Variants in LHX8 observed in about 807,000 individuals in gnomAD.
LHX8 encodes LIM/homeobox protein Lhx8.
A neutral mutation model predicts 40.3 loss-of-function variants in LHX8; 12 were observed. The observed-to-expected ratio is 0.30, with a 90% CI of 0.19 to 0.48. LHX8 has a LOEUF of 0.48. Ranked by LOEUF, LHX8 falls within the 20% of genes least tolerant of loss-of-function variation. LHX8 has a pLI of 0.99. For missense variants in LHX8, 344 were observed against 433.7 expected (o/e 0.79, Z 1.84); for synonymous variants, 179 against 162.0 (o/e 1.10, Z -0.80).
chr1:75,173,426 C>T, the LHX8 span, among the ~76,000 whole-genome samples: 781 of 142,772 alleles, frequency 5.5e-3, 8 homozygotes, highest in African/African-American at 0.02. Flanking sequence ...TTCTGTCGCC[C>T]AGGCTGGAGT....
At chr1:75,167,523 C>T in the LHX8 span, among the ~76,000 whole-genome samples, 2 of 152,158 alleles carry the variant, frequency 1.3e-5, no homozygotes, top group African/African-American at 2.4e-5. Context: ...CAGGACCAAG[C>T]TCAAATATCA....
chr1:75,181,360 G>C, the LHX8 span, among the ~76,000 whole-genome samples: 1 of 152,174 alleles, frequency 6.6e-6, no homozygotes, highest in Non-Finnish European at 1.5e-5. Context: ...GCTGCAGTGG[G>C]CTCCACCCAG....
intron 7 of LHX8, among the ~76,000 whole-genome samples, chr1:75,150,115 G>A (rs539526662): frequency 8.5e-4 from 129 of 152,134 alleles, no homozygotes; most frequent in Non-Finnish European, 1.5e-3. Context: ...GTGTGTACCT[G>A]CAGTCCCAGC....
chr1:75,189,060 T>G, the LHX8 span, among the ~76,000 whole-genome samples: 36 of 152,258 alleles, frequency 2.4e-4, no homozygotes, highest in East Asian at 7.0e-3. Flanking sequence ...TAGAAAACCC[T>G]CCCACAAAAT....
chr1:75,148,625 T>C lies in LHX8; in HGVS notation c.723T>C (p.Asp241=). 3.7e-6 allele frequency: 6 copies of C among 1,613,650 alleles called. No individual in the cohort carries two copies. The highest frequency in any genetic ancestry group is 4.2e-6 in the Non-Finnish European group (5 of 1,179,912). The change falls in exon 7 of 9, where the codon GAT becomes GAC. Residue 241 remains aspartate (D), a synonymous_variant. Coordinates refer to ENST00000356261, the MANE Select transcript of LHX8 (RefSeq NM_001256114.2). ...AATTTGCTCAGGACAACAACCCAGATGCACAGACACTCCAGAAATTGGCAG... is the reference window on the plus strand; with the variant it reads ...AATTTGCTCAGGACAACAACCCAGACGCACAGACACTCCAGAAATTGGCAG... ...QAQFAQDNNP[D]AQTLQKLAER...
the LHX8 span, among the ~76,000 whole-genome samples, chr1:75,176,023 A>G: frequency 2.0e-5 from 3 of 152,214 alleles, no homozygotes; most frequent in African/African-American, 7.2e-5. Flanking sequence ...GTGGCTGCAT[A>G]GTATTCCATG....
intron 5 of LHX8, 40 bp from the exon 6 acceptor site, chr1:75,143,804 AT>A (rs2100341607): frequency 1.4e-6 from 2 of 1,453,572 alleles, no homozygotes; most frequent in East Asian, 2.3e-5. Flanking sequence ...GGGTGTACCC[AT>A]TTGAATTACC....
chr1:75,165,400 A>C (rs1649011479), downstream of LHX8, among the ~76,000 whole-genome samples: 1 of 152,144 alleles, frequency 6.6e-6, no homozygotes, highest in African/African-American at 2.4e-5. Flanking sequence ...CAGTTCCTTG[A>C]GTTTCATAAG....
At chr1:75,137,683 C>T (rs1648193166) in intron 3 of LHX8, among the ~76,000 whole-genome samples, 1 of 152,220 alleles carries the variant, frequency 6.6e-6, no homozygotes, top group Admixed American at 6.5e-5. Context: ...ACCCCAGTGA[C>T]GCCCACGCCC....
intron 5 of LHX8, among the ~76,000 whole-genome samples, 188 bp from the exon 6 acceptor site, chr1:75,143,657 A>G (rs910605803): frequency 5.9e-5 from 9 of 152,178 alleles, no homozygotes; most frequent in Non-Finnish European, 1.0e-4. Flanking sequence ...TTCACTAAAT[A>G]TACAAGTCTG....
At position 75,154,393 on chromosome 1, in the gene LHX8, T is replaced by C. The variant is rs544305617; in HGVS notation, c.781-2500T>C. 1.2e-4 allele frequency among the ~76,000 whole-genome samples: 8 copies of C among 69,234 alleles called. No individual in the cohort carries two copies. In the East Asian group the frequency reaches 1.5e-3, roughly 13 times the overall value. 45.4% of individuals were successfully genotyped at this position (69,234 alleles called of 152,430 possible). A position where few individuals can be genotyped will look rare whatever the true frequency, so the allele number is the denominator to read the frequency against. On this transcript the variant is annotated intron_variant, in intron 7 of 8. Coordinates refer to ENST00000356261, the MANE Select transcript of LHX8 (RefSeq NM_001256114.2). The stretch of plus-strand genomic sequence containing the variant: ...ATGTTTATTTACAAAGTTTGAGTGT[T>C]TTTTTTTTTCAATCAAAAGATGGTG...
chr1:75,151,841 G>C (rs1403232926), intron 7 of LHX8, among the ~76,000 whole-genome samples: 1 of 152,202 alleles, frequency 6.6e-6, no homozygotes, highest in Non-Finnish European at 1.5e-5. Flanking sequence ...AAGGACTAAG[G>C]AACACAGGCA....
chr1:75,195,704 T>C, the LHX8 span, among the ~76,000 whole-genome samples: 1 of 152,094 alleles, frequency 6.6e-6, no homozygotes, highest in African/African-American at 2.4e-5. Flanking sequence ...CCCATCCCAA[T>C]GGTGCACAAA....
chr1:75,143,846 G>T lies in LHX8; in HGVS notation c.582G>T (p.Gly194=), dbSNP rs376728766. 4.3e-6 allele frequency: 7 copies of T among 1,611,098 alleles called. No homozygotes were observed. Among genetic ancestry groups the T allele is most frequent in the Middle Eastern group, 3.3e-4 (2 of 6,076 alleles). The change falls in exon 6 of 9, where the codon GGG becomes GGT. Residue 194 remains glycine (G), a splice_region_variant and synonymous_variant. Coordinates refer to ENST00000356261, the MANE Select transcript of LHX8 (RefSeq NM_001256114.2). ...ATATAGTGTGTTTTTTAAATGCAGG[G>T]AATGGGATTAGTGTGGAAGGTGCCC... ...LDNLKREVEN[G]NGISVEGALL...
At chr1:75,195,471 CT>C in the LHX8 span, among the ~76,000 whole-genome samples, 4 of 152,124 alleles carry the variant, frequency 2.6e-5, no homozygotes, top group African/African-American at 9.7e-5. Context: ...GGGTTACTGA[CT>C]TTTTTTCTAT....
At chr1:75,134,028 C>T (rs1374026506), upstream of LHX8, among the ~76,000 whole-genome samples, 2 of 152,010 alleles carry the variant, frequency 1.3e-5, no homozygotes, top group African/African-American at 4.8e-5. Flanking sequence ...TTCAAGTCAC[C>T]CAGACCTCCA....
chr1:75,154,066 CA>C (rs2100356382), intron 7 of LHX8, among the ~76,000 whole-genome samples: 1 of 152,198 alleles, frequency 6.6e-6, no homozygotes, highest in African/African-American at 2.4e-5. Context: ...ATTTAGAAGT[CA>C]AAAAATTTAA....
the LHX8 span, among the ~76,000 whole-genome samples, chr1:75,174,971 C>G: frequency 6.6e-6 from 1 of 152,170 alleles, no homozygotes; most frequent in African/African-American, 2.4e-5. Context: ...CCCTCCTACC[C>G]TTCCCTGGAG....
intron 1 of LHX8, 71 bp from the exon 2 acceptor site, chr1:75,136,532 G>A: frequency 1.7e-6 from 2 of 1,155,052 alleles, no homozygotes; most frequent in Non-Finnish European, 2.5e-6. Flanking sequence ...CCCGCGCCGA[G>A]GCTGGGGCGG....
Sources: allele counts gnomAD v4.1 joint callset (sites outside exome capture counted in the v4.1 genomes callset), GRCh38; gene constraint gnomAD v4.1.1; transcripts MANE v1.5; gene names NCBI Gene and HGNC (gene_info 2026-07-23, HGNC 2026-07-21).